Variants in DOK6 observed in about 807,000 individuals in gnomAD.
DOK6 encodes the protein docking protein 6, also known as downstream of tyrosine kinase 6.
Under a neutral mutation model 44.0 loss-of-function variants are expected in DOK6, and 22 were observed. The ratio of observed to expected loss-of-function variants is 0.50; its 90% CI spans 0.36 to 0.71. The LOEUF (loss-of-function observed/expected upper bound fraction) is 0.71, where lower values mean the gene tolerates loss of function less well. DOK6 is among the 30% of genes least tolerant of loss of function. DOK6 has a pLI of 0.00. For missense variants in DOK6, 340 were observed against 416.4 expected (o/e 0.82, Z 1.60); for synonymous variants, 166 against 145.5 (o/e 1.14, Z -1.01).
chr18:69,419,221 A>T (rs981760626), intron 1 of DOK6, among the ~76,000 whole-genome samples: 1 of 152,180 alleles, frequency 6.6e-6, no homozygotes. Flanking sequence ...ATGAAATTCT[A>T]TTTTGTAACT....
chr18:69,841,411 A>G lies in DOK6; in HGVS notation c.*28A>G. ...CACAGAGAGCCGCTGTTGACTAGAGAGACAGTCTGTCCTGGACCCGTCTGT... is the reference window on the plus strand; with the variant it reads ...CACAGAGAGCCGCTGTTGACTAGAGGGACAGTCTGTCCTGGACCCGTCTGT... On this transcript the variant is annotated 3_prime_UTR_variant, in exon 8 of 8. Coordinates refer to ENST00000382713, the MANE Select transcript of DOK6 (RefSeq NM_152721.6). 6.2e-7 allele frequency: 1 copy of G among 1,613,920 alleles called. No homozygotes were observed. Among genetic ancestry groups the G allele is most frequent in the Non-Finnish European group, 8.5e-7 (1 of 1,179,942 alleles).
rs564151101 is a variant in DOK6, at chr18:69,566,429, C to A, written c.174+1835C>A. Among the ~76,000 whole-genome samples, 31 of 152,326 alleles carry A rather than the reference C, an allele frequency of 2.0e-4. No homozygotes were observed. In the South Asian group the frequency reaches 6.4e-3, roughly 32 times the overall value. ...GGGATTACAGGCGCGAACCACCGCA[C>A]CCGGCCCAGTTTATTTTTATTTACA... On this transcript the variant is annotated intron_variant, in intron 2 of 7. Transcript: ENST00000382713.
intron 1 of DOK6, among the ~76,000 whole-genome samples, chr18:69,448,414 C>T (rs1979358512): frequency 6.6e-6 from 1 of 151,920 alleles, no homozygotes; most frequent in African/African-American, 2.4e-5. Context: ...TCTTGTTGCC[C>T]AGGCTGGAGT....
At chr18:69,458,997 G>A (rs1051412970) in intron 1 of DOK6, among the ~76,000 whole-genome samples, 5 of 151,978 alleles carry the variant, frequency 3.3e-5, no homozygotes, top group Non-Finnish European at 5.9e-5. Flanking sequence ...CTGGGAGGCT[G>A]AGGCAGGAGA....
intron 1 of DOK6, among the ~76,000 whole-genome samples, chr18:69,561,304 A>G (rs1376773377): frequency 2.1e-5 from 2 of 94,944 alleles, no homozygotes; most frequent in Non-Finnish European, 5.2e-5. Flanking sequence ...AGTTTCCACT[A>G]TATCAAACTG....
chr18:69,548,992 G>A (rs1982486629), intron 1 of DOK6, among the ~76,000 whole-genome samples: 1 of 150,736 alleles, frequency 6.6e-6, no homozygotes, highest in African/African-American at 2.4e-5. Flanking sequence ...CTACTCGGGA[G>A]GCTGAGGCAG....
intron 7 of DOK6, among the ~76,000 whole-genome samples, chr18:69,839,368 T>C (rs1174585834): frequency 6.8e-6 from 1 of 146,124 alleles, no homozygotes; most frequent in Non-Finnish European, 1.5e-5. Flanking sequence ...GTCTATCCCA[T>C]GACTCCTTCC....
At chr18:69,634,665 G>T (rs946555881) in intron 3 of DOK6, among the ~76,000 whole-genome samples, 1 of 151,982 alleles carries the variant, frequency 6.6e-6, no homozygotes, top group East Asian at 1.9e-4. Flanking sequence ...TCTTTGCTTG[G>T]ACTTAGAGAA....
chr18:69,641,460 G>A (rs1193792527), intron 3 of DOK6, among the ~76,000 whole-genome samples: 1 of 152,060 alleles, frequency 6.6e-6, no homozygotes, highest in African/African-American at 2.4e-5. Flanking sequence ...TTAGACTCTG[G>A]AGCCACCCAC....
intron 3 of DOK6, among the ~76,000 whole-genome samples, chr18:69,629,687 C>T (rs915483736): frequency 6.6e-6 from 1 of 152,200 alleles, no homozygotes; most frequent in African/African-American, 2.4e-5. Context: ...CCCTGAAGGA[C>T]TGACTCCTCC....
chr18:69,622,962 T>C (rs958326066), intron 3 of DOK6, among the ~76,000 whole-genome samples: 1 of 152,174 alleles, frequency 6.6e-6, no homozygotes, highest in Non-Finnish European at 1.5e-5. Flanking sequence ...ACTATTTCCA[T>C]GTGATATGGT....
At chr18:69,776,648 A>C (rs1055332498) in intron 7 of DOK6, among the ~76,000 whole-genome samples, 19 of 152,100 alleles carry the variant, frequency 1.2e-4, no homozygotes, top group African/African-American at 4.1e-4. Context: ...AAACATCAAT[A>C]CTAAAGACAT....
chr18:69,488,258 C>T (rs1159378017), intron 1 of DOK6, among the ~76,000 whole-genome samples: 1 of 152,168 alleles, frequency 6.6e-6, no homozygotes, highest in Non-Finnish European at 1.5e-5. Context: ...CTAATTGCTT[C>T]TTAAAGACCC....
intron 1 of DOK6, among the ~76,000 whole-genome samples, chr18:69,423,276 T>G (rs1291739914): frequency 1.3e-5 from 2 of 149,810 alleles, no homozygotes; most frequent in Non-Finnish European, 3.0e-5. Flanking sequence ...TACTCCAGCA[T>G]GGACAACAGA....
At chr18:69,584,451 C>T (rs1057255089) in intron 2 of DOK6, among the ~76,000 whole-genome samples, 3 of 151,940 alleles carry the variant, frequency 2.0e-5, no homozygotes, top group East Asian at 1.9e-4. Context: ...GCCACCAGCC[C>T]GGCTAACTTT....
chr18:69,688,719 G>A (rs897246703), intron 4 of DOK6, among the ~76,000 whole-genome samples: 4 of 151,994 alleles, frequency 2.6e-5, no homozygotes, highest in Non-Finnish European at 4.4e-5. Context: ...ATGGGGTTTC[G>A]CCATGTTGGC....
chr18:69,579,889 C>T lies in DOK6; in HGVS notation c.174+15295C>T, dbSNP rs57787824. 8.2e-3 allele frequency among the ~76,000 whole-genome samples: 1,249 copies of T among 152,258 alleles called. 69 individuals carry two copies. In the East Asian group the frequency reaches 0.16, roughly 20 times the overall value. ...CCGCCCGCCTCAACCCCCCAAATTG[C>T]TGGGATTACAGGCGTGAACCACTCT... is the stretch of plus-strand genomic sequence containing the variant. On this transcript the variant is annotated intron_variant, in intron 2 of 7. Transcript: ENST00000382713.
chr18:69,447,254 A>T (rs146454897), intron 1 of DOK6, among the ~76,000 whole-genome samples: 1 of 151,918 alleles, frequency 6.6e-6, no homozygotes, highest in East Asian at 1.9e-4. Context: ...AAGGGATCCA[A>T]TTTCAGCTTT....
At chr18:69,478,985 C>T (rs1334452037) in intron 1 of DOK6, among the ~76,000 whole-genome samples, 1 of 152,146 alleles carries the variant, frequency 6.6e-6, no homozygotes, top group Non-Finnish European at 1.5e-5. Flanking sequence ...CAAATTAAGA[C>T]ATTTTCAGTA....
Sources: gnomAD v4.1 joint callset for allele counts (sites outside exome capture counted in the v4.1 genomes callset) on GRCh38, gnomAD v4.1.1 for gene constraint, MANE v1.5 for transcripts, NCBI Gene and HGNC (gene_info 2026-07-23, HGNC 2026-07-21) for gene names.